Variants in PALM2AKAP2 observed in about 807,000 individuals in gnomAD.
PALM2AKAP2 encodes PALM2-AKAP2 fusion protein.
A neutral mutation model predicts 71.5 loss-of-function variants in PALM2AKAP2; 37 were observed. The observed-to-expected ratio is 0.52, with a 90% confidence interval of 0.40 to 0.68. The LOEUF is 0.68. Among genes scored for constraint, PALM2AKAP2 ranks in the 30% least tolerant of loss-of-function variants. PALM2AKAP2 has a pLI of 0.00. For synonymous variants in PALM2AKAP2, 468 were observed against 478.8 expected (o/e 0.98, Z 0.29); for missense variants, 1,224 against 1,191.8 (o/e 1.03, Z -0.40).
chr9:109,846,667 G>T (rs1386482458), intron 1 of PALM2AKAP2, among the ~76,000 whole-genome samples: 1 of 152,170 alleles, frequency 6.6e-6, no homozygotes, highest in Non-Finnish European at 1.5e-5. Flanking sequence ...AGTCTTCCTG[G>T]TAGTGTTGTA....
intron 1 of PALM2AKAP2, among the ~76,000 whole-genome samples, chr9:109,763,283 T>G (rs1055760314): frequency 6.6e-6 from 1 of 151,956 alleles, no homozygotes; most frequent in Non-Finnish European, 1.5e-5. Context: ...GCCCTATTCA[T>G]CCTCCCCGCC....
chr9:109,894,024 TAAAA>T (rs552808725), intron 3 of PALM2AKAP2, among the ~76,000 whole-genome samples: 3 of 132,858 alleles, frequency 2.3e-5, no homozygotes, highest in Non-Finnish European at 3.2e-5. Context: ...GTTGCTTATT[TAAAA>T]AAAAAAAAAA....
At chr9:110,050,521 A>T (rs75896795) in intron 1 of PALM2AKAP2, among the ~76,000 whole-genome samples, 4,318 of 152,292 alleles carry the variant, frequency 0.028, 206 homozygotes, top group African/African-American at 0.099. Flanking sequence ...TGTTTCTTTA[A>T]ACATAAAGAC....
chr9:109,947,689 AC>A (rs1177642094), intron 6 of PALM2AKAP2, among the ~76,000 whole-genome samples: 3 of 152,198 alleles, frequency 2.0e-5, no homozygotes, highest in Non-Finnish European at 2.9e-5. Flanking sequence ...TCATCCCTGG[AC>A]CCACTGGAGA....
At chr9:110,091,533 G>A (rs1447617480) in intron 1 of PALM2AKAP2, among the ~76,000 whole-genome samples, 3 of 132,568 alleles carry the variant, frequency 2.3e-5, no homozygotes, top group Admixed American at 1.8e-4. Flanking sequence ...CACGATCTCC[G>A]CTCACTGCAA....
exon 4 of PALM2AKAP2, chr9:110,169,257 A>C (rs1836803499): frequency 6.5e-6 from 1 of 152,682 alleles, no homozygotes; most frequent in Non-Finnish European, 1.5e-5. Context: ...GCAGTTTATG[A>C]GAACACATTT....
intron 6 of PALM2AKAP2, among the ~76,000 whole-genome samples, chr9:109,961,616 G>A (rs1831852500): frequency 1.3e-5 from 2 of 152,198 alleles, no homozygotes; most frequent in Admixed American, 1.3e-4. Context: ...CCATATGGTC[G>A]TGTGACCTCT....
At chr9:109,851,254 C>A (rs1829009555) in intron 1 of PALM2AKAP2, among the ~76,000 whole-genome samples, 2 of 151,836 alleles carry the variant, frequency 1.3e-5, no homozygotes, top group South Asian at 4.2e-4. Flanking sequence ...GCCTTGAGTG[C>A]CCAGACCAAT....
At chr9:110,059,291 G>A (rs1228811167) in intron 1 of PALM2AKAP2, among the ~76,000 whole-genome samples, 3 of 152,292 alleles carry the variant, frequency 2.0e-5, no homozygotes, top group African/African-American at 7.2e-5. Context: ...TGCCAGAAAT[G>A]TCTGCTGTCT....
At chr9:109,915,395 G>A (rs997905344) in intron 3 of PALM2AKAP2, among the ~76,000 whole-genome samples, 7 of 152,204 alleles carry the variant, frequency 4.6e-5, no homozygotes, top group African/African-American at 1.7e-4. Flanking sequence ...GTGCTTCTGT[G>A]AGCTTGAAAA....
intron 1 of PALM2AKAP2, among the ~76,000 whole-genome samples, chr9:109,863,810 A>ACCATCACTAT (rs1829374843): frequency 6.6e-6 from 1 of 150,780 alleles, no homozygotes; most frequent in South Asian, 2.1e-4. Context: ...CTGGGTTCGG[A>ACCATCACTAT]GGCTAACACC....
At chr9:109,967,330 C>T (rs1385922372) in intron 6 of PALM2AKAP2, among the ~76,000 whole-genome samples, 5 of 152,156 alleles carry the variant, frequency 3.3e-5, no homozygotes, top group African/African-American at 9.7e-5. Flanking sequence ...CTCACAGCAT[C>T]GCTTCTGCCA....
intron 1 of PALM2AKAP2, among the ~76,000 whole-genome samples, chr9:109,686,337 A>G (rs1827805023): frequency 6.6e-6 from 1 of 152,252 alleles, no homozygotes; most frequent in Non-Finnish European, 1.5e-5. Context: ...TTATAGCCTT[A>G]TAAAACGTAT....
At chr9:110,080,814 G>T (rs1040662535) in intron 1 of PALM2AKAP2, among the ~76,000 whole-genome samples, 68 of 152,216 alleles carry the variant, frequency 4.5e-4, no homozygotes, top group African/African-American at 1.6e-3. Context: ...AAGTAGCTGG[G>T]ATTACAGGCA....
chr9:109,781,744 T>C (rs10980037), intron 1 of PALM2AKAP2, among the ~76,000 whole-genome samples: 24,633 of 152,246 alleles, frequency 0.16, 2,589 homozygotes, highest in East Asian at 0.31. Flanking sequence ...AATATTGAAA[T>C]GCCATGGTTT....
At chr9:109,966,037 T>C (rs1831941557) in intron 6 of PALM2AKAP2, among the ~76,000 whole-genome samples, 1 of 152,160 alleles carries the variant, frequency 6.6e-6, no homozygotes, top group South Asian at 2.1e-4. Flanking sequence ...GTGATCTGTT[T>C]TGTTTTTTGT....
intron 3 of PALM2AKAP2, among the ~76,000 whole-genome samples, chr9:109,909,598 A>G (rs1830525292): frequency 6.6e-6 from 1 of 152,220 alleles, no homozygotes. Context: ...TAGGGAAGGG[A>G]GCCCAAAATC....
chr9:110,134,190 G>C (rs533041070), intron 1 of PALM2AKAP2, among the ~76,000 whole-genome samples: 4 of 151,990 alleles, frequency 2.6e-5, no homozygotes, highest in African/African-American at 9.6e-5. Context: ...GAGGCAGGAG[G>C]ATCCCATGAG....
intron 1 of PALM2AKAP2, among the ~76,000 whole-genome samples, chr9:110,110,840 C>G (rs920317251): frequency 3.9e-5 from 6 of 152,034 alleles, no homozygotes; most frequent in African/African-American, 9.7e-5. Flanking sequence ...AGCCACCATG[C>G]CTGGCCTATG....
Sources: gnomAD v4.1 joint callset for allele counts (sites outside exome capture counted in the v4.1 genomes callset) on GRCh38, gnomAD v4.1.1 for gene constraint, MANE v1.5 for transcripts, NCBI Gene and HGNC (gene_info 2026-07-23, HGNC 2026-07-21) for gene names.